Variants in BAIAP2 observed in about 807,000 individuals in gnomAD.
BAIAP2 encodes the protein BAR/IMD domain containing adaptor protein 2.
Under a neutral mutation model 63.0 loss-of-function variants are expected in BAIAP2, and 18 were observed. The observed-to-expected ratio is 0.29, with a 90% confidence interval of 0.20 to 0.42. The LOEUF (loss-of-function observed/expected upper bound fraction) is 0.42. BAIAP2 is among the 10% of genes least tolerant of loss of function. The probability of loss-of-function intolerance (pLI) is 1.00; values close to 1 mark genes in which losing one functional copy is unlikely to be tolerated. For synonymous variants in BAIAP2, 386 were observed against 307.6 expected, an observed-to-expected ratio of 1.25 and a Z score of -2.67; for missense variants, 610 against 734.3, an observed-to-expected ratio of 0.83 and a Z score of 1.96.
chr17:81,110,977 C>T (rs2059859933), intron 13 of BAIAP2: 4 of 1,613,576 alleles, frequency 2.5e-6, no homozygotes, highest in Non-Finnish European at 3.4e-6. Flanking sequence ...GCCTGGCGTT[C>T]TCGTGCAGTC....
rs917223207 is a variant in BAIAP2 at position 81,046,825 on chromosome 17, A to C, written c.55-6843A>C. ...CTGGCATCCTAGGCAGAGTCCCGTC[A>C]AGTCTACGTGGACCAGAGTCGTGGG... On this transcript the variant is annotated intron_variant, in intron 1 of 13. Coordinates refer to ENST00000428708, the MANE Select transcript of BAIAP2 (RefSeq NM_001144888.2). The surrounding 1 kb of genome is among the most constrained non-coding windows in gnomAD (Gnocchi z 4.5). Among the ~76,000 whole-genome samples the C allele has an allele frequency of 2.0e-5, 3 of 152,016 alleles. No individual in the cohort carries two copies. Among genetic ancestry groups the C allele is most frequent in the African/African-American group, 4.8e-5 (2 of 41,362 alleles).
intron 1 of BAIAP2, chr17:81,036,992 G>T: frequency 1.3e-6 from 2 of 1,509,790 alleles, no homozygotes; most frequent in South Asian, 1.2e-5. Context: ...TGCTCTGGGG[G>T]ACCGACCCCG....
At chr17:81,035,695 C>A (rs1022470385) in intron 1 of BAIAP2, among the ~76,000 whole-genome samples, 7 of 151,228 alleles carry the variant, frequency 4.6e-5, no homozygotes, top group Non-Finnish European at 7.4e-5. Flanking sequence ...TCGTAGCACA[C>A]CCGGGCAGGG....
chr17:81,076,668 T>G (rs1411394296), intron 3 of BAIAP2, among the ~76,000 whole-genome samples: 1 of 152,086 alleles, frequency 6.6e-6, no homozygotes, highest in Non-Finnish European at 1.5e-5. Context: ...GCCTCGTGTA[T>G]CCATAGGGTG....
At chr17:81,040,223 C>T (rs889126347) in intron 1 of BAIAP2, among the ~76,000 whole-genome samples, 5 of 152,240 alleles carry the variant, frequency 3.3e-5, no homozygotes, top group South Asian at 2.1e-4. Flanking sequence ...TGGTGACTTT[C>T]TTTGAGGCCC....
chr17:81,107,124 A>G, intron 12 of BAIAP2: 1 of 582,702 alleles, frequency 1.7e-6, no homozygotes, highest in East Asian at 3.3e-5. Context: ...CTGTGTCGGC[A>G]TGCTGGGGCT....
chr17:81,109,403 A>G (rs1475220651), intron 13 of BAIAP2: 1 of 1,023,354 alleles, frequency 9.8e-7, no homozygotes, highest in Non-Finnish European at 1.2e-6. Context: ...AAAGAAAAAA[A>G]GAAAAACAGG....
intron 7 of BAIAP2, among the ~76,000 whole-genome samples, chr17:81,102,381 C>G (rs943395845): frequency 6.6e-6 from 1 of 152,200 alleles, no homozygotes; most frequent in African/African-American, 2.4e-5. Flanking sequence ...CCACCCAAGA[C>G]TCACTCCTCT....
chr17:81,063,244 G>A (rs2050899402), intron 3 of BAIAP2, among the ~76,000 whole-genome samples: 1 of 152,196 alleles, frequency 6.6e-6, no homozygotes. Flanking sequence ...AGGGCTTTGA[G>A]GAGCCCAGGG....
At chr17:81,070,417 C>T (rs1471692691) in intron 3 of BAIAP2, among the ~76,000 whole-genome samples, 2 of 152,158 alleles carry the variant, frequency 1.3e-5, no homozygotes, top group African/African-American at 2.4e-5. Context: ...CACTTGTGGC[C>T]AAAAGGGAGG....
intron 2 of BAIAP2, among the ~76,000 whole-genome samples, chr17:81,056,885 GC>G (rs1186527492): frequency 1.3e-5 from 2 of 151,860 alleles, no homozygotes; most frequent in South Asian, 2.1e-4. Context: ...TTCTGCTGTT[GC>G]GTTTTTCTGC....
At chr17:81,077,440 C>T (rs2053839874) in intron 3 of BAIAP2, among the ~76,000 whole-genome samples, 1 of 152,022 alleles carries the variant, frequency 6.6e-6, no homozygotes, top group Non-Finnish European at 1.5e-5. Context: ...TGGTGGCGCA[C>T]ATCTGCAGTC....
At position 81,104,022 on chromosome 17, in the gene BAIAP2, C is replaced by T. The variant is rs528172800; in HGVS notation, c.980C>T (p.Pro327Leu). 57 of 1,613,276 alleles carry T rather than the reference C, an allele frequency of 3.5e-5. No individual in the cohort carries two copies. The highest frequency in any genetic ancestry group is 1.6e-4 in the Middle Eastern group (1 of 6,062). ...GCCCAGCCCAAATCCCTGTCTCCTCCGCAGTCTCAGAGCAAGCTCAGCGAC... is the reference window on the plus strand; with the variant it reads ...GCCCAGCCCAAATCCCTGTCTCCTCTGCAGTCTCAGAGCAAGCTCAGCGAC... ...KAAQPKSLSP[P>L]QSQSKLSDSY... The change falls in exon 9 of 14, where the codon CCG (proline) becomes CTG (leucine). Residue 327 changes from proline to leucine, a missense_variant. Transcript: ENST00000428708.
In BAIAP2 at chr17:81,035,231, G is replaced by C. The variant is rs375927711; in HGVS notation, c.-24G>C. The C allele has an allele frequency of 6.7e-7, 1 of 1,490,410 alleles. No individual in the cohort carries two copies. Among genetic ancestry groups the C allele is most frequent in the Non-Finnish European group, 9.0e-7 (1 of 1,113,518 alleles). The allele number at this position is 1,490,410 out of a possible 1,614,324, so 92.3% of individuals were successfully genotyped here. A position where few individuals can be genotyped will look rare whatever the true frequency, so the allele number is the denominator to read the frequency against. On this transcript the variant is annotated 5_prime_UTR_variant, in exon 1 of 14. Coordinates refer to ENST00000428708, the MANE Select transcript of BAIAP2 (RefSeq NM_001144888.2). ...CCGCTTGCGTCCCCCGCTCCGGTCT[G>C]TGGTGCAGCCGGGACCCAGGACCAT...
chr17:81,106,894 C>T lies in BAIAP2; in HGVS notation c.1487C>T (p.Pro496Leu). ...CAGAGGCCCTACAGTGTGGCCGTGC[C>T]CGCCTTCTCCCAGGTCAGTGGGCGG... Reference protein sequence around the residue: ...FKQRPYSVAVPAFSQGLDDYG... With the variant: ...FKQRPYSVAVLAFSQGLDDYG... The change falls in exon 12 of 14, where the codon CCC (proline) becomes CTC (leucine). Residue 496 changes from proline (P) to leucine (L), a missense_variant. Around this residue, in one of 5 missense-constraint regions of BAIAP2, gnomAD observed 114 missense variants for 98.2 expected, o/e 1.16. Transcript: ENST00000428708. 6.4e-7 allele frequency: 1 copy of T among 1,559,860 alleles called. No individual in the cohort carries two copies. Among genetic ancestry groups the T allele is most frequent in the Non-Finnish European group, 8.7e-7 (1 of 1,152,888 alleles).
chr17:81,072,504 A>G (rs1189549267), intron 3 of BAIAP2, among the ~76,000 whole-genome samples: 1 of 152,144 alleles, frequency 6.6e-6, no homozygotes, highest in Non-Finnish European at 1.5e-5. Context: ...TCCAGGCCCC[A>G]CTTGGGCCAC....
Position 81,104,025 on chromosome 17 carries a change from A to G in BAIAP2, c.983A>G (p.Gln328Arg). The part of the protein sequence containing the change: ...AAQPKSLSPP[Q>R]SQSKLSDSYS... ...CAGCCCAAATCCCTGTCTCCTCCGC[A>G]GTCTCAGAGCAAGCTCAGCGACTCC... is the stretch of plus-strand genomic sequence containing the variant. The change falls in exon 9 of 14, where the codon CAG (glutamine) becomes CGG (arginine). Residue 328 changes from glutamine to arginine, a missense_variant. Gln to Arg is a conservative substitution (Grantham distance 43, BLOSUM62 1). Around this residue, in one of 5 missense-constraint regions of BAIAP2, gnomAD observed 389 missense variants for 455.6 expected, o/e 0.85. Transcript: ENST00000428708. 6.2e-7 allele frequency: 1 copy of G among 1,613,252 alleles called. No homozygotes were observed. The highest frequency in any genetic ancestry group is 2.2e-5 in the East Asian group (1 of 44,868).
chr17:81,055,574 G>GTTTTTTGTTCTTTTTTGTTTTT (rs370775327), intron 2 of BAIAP2, among the ~76,000 whole-genome samples: 1 of 123,406 alleles, frequency 8.1e-6, no homozygotes, highest in African/African-American at 2.9e-5. Flanking sequence ...AGGGTGTTTT[G>GTTTTTTGTTCTTTTTTGTTTTT]TTTTTTTTTG....
At chr17:81,071,089 A>G (rs921149803) in intron 3 of BAIAP2, among the ~76,000 whole-genome samples, 2 of 125,146 alleles carry the variant, frequency 1.6e-5, no homozygotes, top group Non-Finnish European at 3.5e-5. Context: ...CCATGGCAAC[A>G]CAGACATTGA....
Sources: gnomAD v4.1 joint callset for allele counts (sites outside exome capture counted in the v4.1 genomes callset) on GRCh38, gnomAD v4.1.1 for gene constraint, gnomAD v4.1.1 regional missense constraint, Gnocchi (gnomAD v3.1) non-coding constraint, MANE v1.5 for transcripts, NCBI Gene and HGNC (gene_info 2026-07-23, HGNC 2026-07-21) for gene names.